GRAMD1C: variants seen among roughly 807,000 people sequenced by gnomAD.
GRAMD1C encodes protein Aster-C.
In GRAMD1C, 89 loss-of-function variants were observed where a neutral mutation model predicts 97.8. The observed-to-expected ratio is 0.91, with a 90% CI of 0.77 to 1.09. GRAMD1C has a LOEUF of 1.09. Among genes scored for constraint, GRAMD1C ranks in the 50% least tolerant of loss-of-function variants. GRAMD1C has a pLI of 0.00. For synonymous variants in GRAMD1C, 256 were observed against 267.0 expected (o/e 0.96, Z 0.40); for missense variants, 740 against 766.4 (o/e 0.97, Z 0.41).
chr3:113,844,940 C>T (rs557827209), intron 2 of GRAMD1C: 19 of 222,276 alleles, frequency 8.5e-5, no homozygotes, highest in African/African-American at 3.4e-4. Flanking sequence ...TGTCAAGAGA[C>T]TAATGTTATA....
intron 10 of GRAMD1C, among the ~76,000 whole-genome samples, chr3:113,926,803 C>T (rs1222033487): frequency 6.6e-6 from 1 of 152,180 alleles, no homozygotes. Flanking sequence ...ACTGTGTGCT[C>T]TAACTGTGGG....
At chr3:113,864,702 C>G (rs560428569) in intron 2 of GRAMD1C, among the ~76,000 whole-genome samples, 6 of 152,194 alleles carry the variant, frequency 3.9e-5, no homozygotes, top group Non-Finnish European at 5.9e-5. Flanking sequence ...GTCCACATTT[C>G]TACGGACGTT....
chr3:113,912,269 C>A (rs1360514257), intron 9 of GRAMD1C, among the ~76,000 whole-genome samples: 1 of 152,068 alleles, frequency 6.6e-6, no homozygotes, highest in East Asian at 1.9e-4. Context: ...ACCCAGCACA[C>A]AATAATATTG....
At chr3:113,945,328 A>G (rs1455980029) in intron 17 of GRAMD1C, 70 bp from the exon 18 acceptor site, 2 of 970,952 alleles carry the variant, frequency 2.1e-6, no homozygotes, top group Non-Finnish European at 3.2e-6. Flanking sequence ...AATTTTGGGC[A>G]TAAAAAACAG....
At chr3:113,902,629 T>C (rs1936218482) in intron 7 of GRAMD1C, among the ~76,000 whole-genome samples, 1 of 152,200 alleles carries the variant, frequency 6.6e-6, no homozygotes. Context: ...TGCTGTTTTC[T>C]TCTGGCGATT....
intron 2 of GRAMD1C, among the ~76,000 whole-genome samples, chr3:113,868,091 G>A (rs1444660808): frequency 1.3e-5 from 2 of 151,988 alleles, no homozygotes; most frequent in Non-Finnish European, 2.9e-5. Flanking sequence ...TTTTTTATTT[G>A]ATTGTAGTTT....
intron 6 of GRAMD1C, chr3:113,885,797 C>T: frequency 6.2e-7 from 1 of 1,609,450 alleles, no homozygotes; most frequent in East Asian, 2.2e-5. Context: ...AGTTGAGCAG[C>T]TACATCAAGG....
At chr3:113,851,761 A>G (rs1468243918) in intron 2 of GRAMD1C, among the ~76,000 whole-genome samples, 1 of 151,998 alleles carries the variant, frequency 6.6e-6, no homozygotes, top group Non-Finnish European at 1.5e-5. Flanking sequence ...CAGGTGATCC[A>G]TCCACCTCAG....
intron 4 of GRAMD1C, 174 bp from the exon 5 acceptor site, chr3:113,875,991 C>T: frequency 3.9e-6 from 2 of 512,466 alleles, no homozygotes; most frequent in Non-Finnish European, 6.9e-6. Flanking sequence ...AAACTGCTTA[C>T]CCTGTTTTTC....
intron 1 of GRAMD1C, among the ~76,000 whole-genome samples, chr3:113,832,431 C>A (rs541200010): frequency 6.6e-6 from 1 of 152,224 alleles, no homozygotes; most frequent in African/African-American, 2.4e-5. Context: ...TTATAAACTA[C>A]TTTTTTATGT....
At chr3:113,938,713 A>G (rs1338012127) in intron 15 of GRAMD1C, 3 of 152,276 alleles carry the variant, frequency 2.0e-5, no homozygotes, top group Admixed American at 1.3e-4. Context: ...ACAATGTCTG[A>G]ATCCCAGGGT....
chr3:113,856,714 A>G (rs1934144958), intron 2 of GRAMD1C, among the ~76,000 whole-genome samples: 2 of 151,506 alleles, frequency 1.3e-5, no homozygotes, highest in South Asian at 4.2e-4. Context: ...TAATTTTTGT[A>G]TTTTTAGCAG....
intron 2 of GRAMD1C, among the ~76,000 whole-genome samples, chr3:113,848,712 T>C (rs1052533780): frequency 1.3e-5 from 2 of 152,218 alleles, no homozygotes; most frequent in East Asian, 3.9e-4. Context: ...GAGGCTGACA[T>C]GGAAGGATTG....
intron 1 of GRAMD1C, among the ~76,000 whole-genome samples, chr3:113,830,519 A>G (rs1709544088): frequency 1.3e-5 from 2 of 152,174 alleles, no homozygotes; most frequent in Admixed American, 1.3e-4. Context: ...CTCCTGTATT[A>G]CTACTACACA....
chr3:113,933,269 C>T (rs1213071987), intron 11 of GRAMD1C, among the ~76,000 whole-genome samples: 5 of 151,912 alleles, frequency 3.3e-5, no homozygotes, highest in South Asian at 4.2e-4. Flanking sequence ...TGACCTTAAG[C>T]AATTCTCCCA....
chr3:113,840,520 C>T (rs1004257886), intron 1 of GRAMD1C, among the ~76,000 whole-genome samples: 10 of 151,772 alleles, frequency 6.6e-5, no homozygotes, highest in African/African-American at 1.7e-4. Flanking sequence ...AAAGAAGTAT[C>T]GCTTGAGGAC....
intron 6 of GRAMD1C, chr3:113,885,792 A>G (rs1014588716): frequency 5.6e-6 from 9 of 1,608,558 alleles, no homozygotes; most frequent in African/African-American, 4.0e-5. Context: ...TTTGCAGTTG[A>G]GCAGCTACAT....
intron 11 of GRAMD1C, 127 bp from the exon 12 acceptor site, chr3:113,933,384 T>G: frequency 1.6e-6 from 1 of 623,136 alleles, no homozygotes; most frequent in Non-Finnish European, 2.8e-6. Flanking sequence ...TCTTTTAGCT[T>G]TGTATATAGG....
chr3:113,921,504 A>G lies in GRAMD1C; in HGVS notation c.1090+5666A>G, dbSNP rs1577208068. 2.6e-5 allele frequency among the ~76,000 whole-genome samples: 4 copies of G among 152,212 alleles called. No homozygotes were observed. In the South Asian group the frequency reaches 8.3e-4, roughly 32 times the overall value. ...TAATGGGATTCCCAGGTCAAATGGT[A>G]GTCTGTTTTAAGTTCTTTGAGAAAT... On this transcript the variant is annotated intron_variant, in intron 10 of 17. Transcript: ENST00000358160.
Sources: gnomAD v4.1 joint callset for allele counts (sites outside exome capture counted in the v4.1 genomes callset) on GRCh38, gnomAD v4.1.1 for gene constraint, MANE v1.5 for transcripts, NCBI Gene and HGNC (gene_info 2026-07-23, HGNC 2026-07-21) for gene names.